CHD9: variants seen among roughly 807,000 people sequenced by gnomAD.
The protein encoded by CHD9 is ATP-dependent chromatin remodeler CHD9.
Under a neutral mutation model 316.1 loss-of-function variants are expected in CHD9, and 77 were observed. The observed-to-expected ratio is 0.24, with a 90% CI of 0.20 to 0.29. CHD9 has a LOEUF of 0.29. CHD9 is among the 10% of genes least tolerant of loss of function. CHD9 has a pLI of 1.00. For missense variants in CHD9, 2,763 were observed against 3,438.1 expected, an observed-to-expected ratio of 0.80 and a Z score of 4.91; for synonymous variants, 1,129 against 1,158.3, an observed-to-expected ratio of 0.97 and a Z score of 0.51.
At chr16:53,103,931 G>T (rs565335146) in intron 1 of CHD9, among the ~76,000 whole-genome samples, 7 of 152,254 alleles carry the variant, frequency 4.6e-5, no homozygotes, top group Admixed American at 3.3e-4. Flanking sequence ...GTACCTTCAG[G>T]ACTGGAACAC....
chr16:53,113,840 G>A (rs992660101), intron 1 of CHD9, among the ~76,000 whole-genome samples: 1 of 152,056 alleles, frequency 6.6e-6, no homozygotes, highest in African/African-American at 2.4e-5. Flanking sequence ...TGAGTAGCTA[G>A]GACTACAGCA....
At chr16:53,275,003 A>G (rs2052666514) in intron 24 of CHD9, among the ~76,000 whole-genome samples, 1 of 152,122 alleles carries the variant, frequency 6.6e-6, no homozygotes, top group South Asian at 2.1e-4. Context: ...ATGCCATTAA[A>G]GCAGACACAG....
intron 1 of CHD9, among the ~76,000 whole-genome samples, chr16:53,092,769 A>AT (rs1555481812): frequency 2.0e-4 from 30 of 151,692 alleles, no homozygotes; most frequent in East Asian, 1.4e-3. Flanking sequence ...CACCTTTATT[A>AT]TTATTTATTT....
chr16:53,136,573 T>A (rs953263548), intron 1 of CHD9, among the ~76,000 whole-genome samples: 18 of 144,492 alleles, frequency 1.2e-4, no homozygotes, highest in Admixed American at 8.9e-4. Context: ...AAAAAAAAAA[T>A]CTAGGAATTT....
chr16:53,254,669 T>C (rs1281121691), intron 18 of CHD9, 64 bp downstream of exon 18: 6 of 1,436,428 alleles, frequency 4.2e-6, no homozygotes, highest in Non-Finnish European at 5.7e-6. Context: ...TTACCTCCAA[T>C]AGTGTGTCAT....
intron 1 of CHD9, among the ~76,000 whole-genome samples, chr16:53,148,729 C>T (rs2040845785): frequency 6.6e-6 from 1 of 152,158 alleles, no homozygotes; most frequent in Non-Finnish European, 1.5e-5. Context: ...TTTAAAAATT[C>T]TGGATATTAA....
intron 2 of CHD9, among the ~76,000 whole-genome samples, chr16:53,196,562 C>G (rs779728398): frequency 2.0e-5 from 3 of 152,116 alleles, no homozygotes; most frequent in Non-Finnish European, 2.9e-5. Flanking sequence ...GATACTAGAA[C>G]ACCTCATTTT....
intron 2 of CHD9, among the ~76,000 whole-genome samples, chr16:53,184,887 G>C (rs1410117424): frequency 6.6e-6 from 1 of 152,050 alleles, no homozygotes; most frequent in Non-Finnish European, 1.5e-5. Context: ...CCCTTTGCTT[G>C]GCTGTCATTT....
chr16:53,318,086 A>G, intron 36 of CHD9, 126 bp from the exon 37 acceptor site: 2 of 703,092 alleles, frequency 2.8e-6, no homozygotes, highest in Non-Finnish European at 4.3e-6. Context: ...AAGTTTAGAT[A>G]TTTTTAAAAT....
intron 1 of CHD9, among the ~76,000 whole-genome samples, chr16:53,102,850 T>C (rs2037001697): frequency 1.3e-5 from 2 of 151,972 alleles, no homozygotes; most frequent in Non-Finnish European, 2.9e-5. Context: ...ACCCTGTCTC[T>C]TTCTTTTTTT....
At chr16:53,075,163 G>C (rs1286022186) in intron 1 of CHD9, among the ~76,000 whole-genome samples, 1 of 152,114 alleles carries the variant, frequency 6.6e-6, no homozygotes, top group Non-Finnish European at 1.5e-5. Context: ...GGCTTGCATG[G>C]GCCCTGTAAC....
intron 19 of CHD9, among the ~76,000 whole-genome samples, chr16:53,259,582 G>A (rs529617315): frequency 6.6e-6 from 1 of 152,256 alleles, no homozygotes; most frequent in East Asian, 1.9e-4. Flanking sequence ...TGCAATCAAC[G>A]ATTCACTACA....
In CHD9 at chr16:53,304,033, A is replaced by C. The variant is rs769600367; in HGVS notation, c.6027A>C (p.Ser2009=). Residue 2009 remains serine (S), a synonymous_variant, in exon 31 of 39, where the codon TCA becomes TCC. Coordinates refer to ENST00000447540, the MANE Select transcript of CHD9 (RefSeq NM_001308319.2). ...RNYSQSKMAH[S]RTSTPLLQQY... ...ACAGTCAAAGTAAGATGGCTCATTC[A>C]AGGACTTCTACCCCACTTCTACAGC... The C allele has an allele frequency of 6.8e-6, 11 of 1,614,028 alleles. No homozygotes were observed. In the South Asian group the frequency reaches 9.9e-5, roughly 14 times the overall value.
chr16:53,290,784 C>A (rs8044969), intron 27 of CHD9, among the ~76,000 whole-genome samples: 47,206 of 151,878 alleles, frequency 0.31, 7,493 homozygotes, highest in Middle Eastern at 0.39. Context: ...TCTCGAAAAA[C>A]AAAAGAAAAA....
At chr16:53,287,233 A>C (rs577196999) in intron 26 of CHD9, among the ~76,000 whole-genome samples, 2 of 152,276 alleles carry the variant, frequency 1.3e-5, no homozygotes, top group African/African-American at 4.8e-5. Flanking sequence ...GGCTTCCCAA[A>C]GTGCGGAGAT....
chr16:53,157,555 T>G lies in CHD9; in HGVS notation c.1452+14T>G. The G allele has an allele frequency of 6.3e-7, 1 of 1,588,548 alleles. No homozygotes were observed. Among genetic ancestry groups the G allele is most frequent in the Non-Finnish European group, 8.6e-7 (1 of 1,165,068 alleles). On this transcript the variant is annotated intron_variant, in intron 2 of 38. Coordinates refer to ENST00000447540, the MANE Select transcript of CHD9 (RefSeq NM_001308319.2). ...TTACAGCGACAGGTATGTAGCTCTT[T>G]GCTTTTATTTTGGAGATTTGGGGGT...
At position 53,326,942 on chromosome 16, in the gene CHD9, GAA is replaced by G. The variant is rs1300884086; in HGVS notation, c.*2049_*2050del. ...TCTAATTTATATCAAATTTATGAGAGAAAGTATTTTCCTAATTATGGTCAAAT... is the reference window on the plus strand; with the variant it reads ...TCTAATTTATATCAAATTTATGAGAGAGTATTTTCCTAATTATGGTCAAAT... On this transcript the variant is annotated 3_prime_UTR_variant, in exon 39 of 39. Transcript: ENST00000447540. The G allele has an allele frequency of 6.6e-6, 1 of 151,354 alleles. No individual in the cohort carries two copies. 9.4% of individuals were successfully genotyped at this position (151,354 alleles called of 1,614,324 possible). A position where few individuals can be genotyped will look rare whatever the true frequency, so the allele number is the denominator to read the frequency against.
chr16:53,307,062 G>T (rs1011509606), intron 32 of CHD9, among the ~76,000 whole-genome samples: 2 of 152,218 alleles, frequency 1.3e-5, no homozygotes, highest in Admixed American at 1.3e-4. Context: ...TTACAGGTGT[G>T]AGCCAGTGCA....
intron 2 of CHD9, among the ~76,000 whole-genome samples, chr16:53,183,240 T>C (rs2043680739): frequency 6.6e-6 from 1 of 152,202 alleles, no homozygotes; most frequent in Admixed American, 6.5e-5. Context: ...GTTTCTTTCC[T>C]TTTTTTAAGA....
Sources: allele counts gnomAD v4.1 joint callset (sites outside exome capture counted in the v4.1 genomes callset), GRCh38; gene constraint gnomAD v4.1.1; transcripts MANE v1.5; gene names NCBI Gene and HGNC (gene_info 2026-07-23, HGNC 2026-07-21).